The following KIRREL3 variants were observed in gnomAD, a reference collection of about 807,000 sequenced individuals.
KIRREL3 encodes the protein kin of IRRE-like protein 3.
Under a neutral mutation model 89.7 loss-of-function variants are expected in KIRREL3, and 36 were observed. That is an observed-to-expected ratio of 0.40 (90% CI 0.31 to 0.53). The LOEUF is 0.53. Among genes scored for constraint, KIRREL3 ranks in the 20% least tolerant of loss-of-function variants. KIRREL3 has a pLI of 0.49. For synonymous variants in KIRREL3, 445 were observed against 441.4 expected (o/e 1.01, Z -0.10); for missense variants, 864 against 1,056.6 (o/e 0.82, Z 2.53).
chr11:126,635,432 G>T lies in KIRREL3; in HGVS notation c.56-72520C>A, dbSNP rs625993. Among the ~76,000 whole-genome samples the T allele has an allele frequency of 0.19, 29,367 of 152,222 alleles. 3,628 individuals are homozygous for T. Among genetic ancestry groups the T allele is most frequent in the Non-Finnish European group, 0.27 (18,600 of 67,984 alleles). ...AGAAGCTTCCTCATTAAAAGGGCTG[G>T]GCTGGTTGGCTGGCTCCAAGGCCCT... On this transcript the variant is annotated intron_variant, in intron 1 of 16. Coordinates refer to ENST00000525144, the MANE Select transcript of KIRREL3 (RefSeq NM_032531.4). This position sits in a 1 kb window ranked among gnomAD's most constrained non-coding sequence, Gnocchi z 4.0.
At chr11:126,964,523 A>G (rs765705554) in intron 1 of KIRREL3, among the ~76,000 whole-genome samples, 6 of 152,168 alleles carry the variant, frequency 3.9e-5, no homozygotes, top group South Asian at 2.1e-4. Flanking sequence ...AGAATCTAAG[A>G]TCAGGAATTC....
intron 1 of KIRREL3, among the ~76,000 whole-genome samples, chr11:126,923,377 CT>C (rs1307260922): frequency 8.6e-3 from 12 of 1,390 alleles, no homozygotes; most frequent in Admixed American, 0.034. Flanking sequence ...CTCCTTCTTC[CT>C]TCTTCTTCTT....
Position 126,521,283 on chromosome 11 carries a change from G to A in KIRREL3, c.433+32C>T, listed in dbSNP as rs1344025983. 2.0e-6 allele frequency: 3 copies of A among 1,493,240 alleles called. No homozygotes were observed. The highest frequency in any genetic ancestry group is 2.7e-6 in the Non-Finnish European group (3 of 1,113,212). 92.5% of individuals were successfully genotyped at this position (1,493,240 alleles called of 1,614,324 possible). ...AGCTGAGCCCTTGGTGCTTCACGCAGTGTCCCAGCCCCGTGTGCAGATGGT... is the reference window on the plus strand; with the variant it reads ...AGCTGAGCCCTTGGTGCTTCACGCAATGTCCCAGCCCCGTGTGCAGATGGT... On this transcript the variant is annotated intron_variant, in intron 4 of 16. Transcript: ENST00000525144. This position sits in a 1 kb window ranked among gnomAD's most constrained non-coding sequence, Gnocchi z 4.1.
rs1190753627 is a variant in KIRREL3 at position 126,428,861 on chromosome 11, G to C, written c.1806+318C>G. 6.6e-6 allele frequency among the ~76,000 whole-genome samples: 1 copy of C among 152,186 alleles called. No homozygotes were observed. Among genetic ancestry groups the C allele is most frequent in the Non-Finnish European group, 1.5e-5 (1 of 68,028 alleles). Reference sequence around the variant, plus strand: ...GTAGTTTCACCATGTTGGCCAGGCTGGTCTCGAACTCCTAATCTCAAGTGA... The same window carrying C: ...GTAGTTTCACCATGTTGGCCAGGCTCGTCTCGAACTCCTAATCTCAAGTGA... On this transcript the variant is annotated intron_variant, in intron 15 of 16. Transcript: ENST00000525144. This position sits in a 1 kb window ranked among gnomAD's most constrained non-coding sequence, Gnocchi z 6.4.
In KIRREL3 at chr11:126,773,633, G is replaced by A. The variant is rs1313681480; in HGVS notation, c.56-210721C>T. Among the ~76,000 whole-genome samples, 1 of 152,182 alleles carries A rather than the reference G, an allele frequency of 6.6e-6. No homozygotes were observed. The highest frequency in any genetic ancestry group is 6.5e-5 in the Admixed American group (1 of 15,280). ...GGGAATAATGATCTCCTTACAGGGAGCACACTAGCTTCTGCCATAGGAAGA... is the reference window on the plus strand; with the variant it reads ...GGGAATAATGATCTCCTTACAGGGAACACACTAGCTTCTGCCATAGGAAGA... On this transcript the variant is annotated intron_variant, in intron 1 of 16. Coordinates refer to ENST00000525144, the MANE Select transcript of KIRREL3 (RefSeq NM_032531.4). This position sits in a 1 kb window ranked among gnomAD's most constrained non-coding sequence, Gnocchi z 4.2.
intron 4 of KIRREL3, among the ~76,000 whole-genome samples, chr11:126,506,994 C>T (rs904818800): frequency 2.0e-5 from 3 of 152,128 alleles, no homozygotes; most frequent in Admixed American, 2.0e-4. Flanking sequence ...AATGGATAAA[C>T]AGAATGTGGT....
chr11:126,456,598 G>A, intron 6 of KIRREL3, 144 bp from the exon 7 acceptor site: 1 of 610,578 alleles, frequency 1.6e-6, no homozygotes, highest in Non-Finnish European at 2.9e-6. Flanking sequence ...AGGAAGCTGG[G>A]GGCTCCATGG....
intron 1 of KIRREL3, among the ~76,000 whole-genome samples, chr11:126,604,503 C>G (rs935097184): frequency 2.6e-5 from 4 of 152,236 alleles, no homozygotes; most frequent in Non-Finnish European, 5.9e-5. Context: ...AATTCACTGT[C>G]CAGACAGGGA....
chr11:126,599,420 C>T (rs544329799), intron 1 of KIRREL3, among the ~76,000 whole-genome samples: 1 of 152,300 alleles, frequency 6.6e-6, no homozygotes, highest in South Asian at 2.1e-4. Context: ...TTCTCTTTAA[C>T]TCTTAAAATG....
intron 1 of KIRREL3, chr11:126,935,913 G>A (rs982804618): frequency 2.6e-5 from 4 of 152,188 alleles, no homozygotes; most frequent in African/African-American, 9.7e-5. Context: ...AGGTCCATCA[G>A]TTGTAACAAA....
At chr11:126,733,358 G>A (rs1235324725) in intron 1 of KIRREL3, among the ~76,000 whole-genome samples, 1 of 152,146 alleles carries the variant, frequency 6.6e-6, no homozygotes, top group Non-Finnish European at 1.5e-5. Flanking sequence ...GAGGTGCATC[G>A]TAAGCTCAAG....
At chr11:126,800,808 A>C (rs1951008354) in intron 1 of KIRREL3, among the ~76,000 whole-genome samples, 1 of 152,178 alleles carries the variant, frequency 6.6e-6, no homozygotes, top group Non-Finnish European at 1.5e-5. Flanking sequence ...ATGAGTGAGC[A>C]AACTAGAAGC....
At chr11:126,480,202 C>A (rs1182714037) in intron 4 of KIRREL3, among the ~76,000 whole-genome samples, 10 of 152,230 alleles carry the variant, frequency 6.6e-5, no homozygotes, top group Non-Finnish European at 1.5e-5. Context: ...TATAATCCGA[C>A]AACCTTAATC....
intron 1 of KIRREL3, among the ~76,000 whole-genome samples, chr11:126,600,007 T>C (rs996385865): frequency 6.6e-6 from 1 of 152,252 alleles, no homozygotes; most frequent in Non-Finnish European, 1.5e-5. Context: ...GCGAGAGTGA[T>C]GGGCTATCAC....
At chr11:126,437,450 T>TAC (rs913798423) in intron 11 of KIRREL3, among the ~76,000 whole-genome samples, 13 of 152,062 alleles carry the variant, frequency 8.5e-5, no homozygotes, top group Admixed American at 3.9e-4. Flanking sequence ...CACAGGTTTG[T>TAC]ACACACACAC....
intron 1 of KIRREL3, among the ~76,000 whole-genome samples, chr11:126,861,407 C>T (rs893161208): frequency 9.2e-5 from 14 of 152,028 alleles, no homozygotes; most frequent in Non-Finnish European, 8.8e-5. Flanking sequence ...AGAAGTGATA[C>T]GGGGCAGAGA....
chr11:126,449,542 C>T (rs9667106), intron 7 of KIRREL3, among the ~76,000 whole-genome samples: 12,019 of 152,258 alleles, frequency 0.079, 1,622 homozygotes, highest in African/African-American at 0.27. Context: ...ATCATGGGCC[C>T]CTTTGGAAAA....
chr11:126,614,204 C>A lies in KIRREL3; in HGVS notation c.56-51292G>T, dbSNP rs1304839104. ...GGGTTGGAAAAGTTCGATCTATTGT[C>A]GATTTCTCTATGGTATCAATGGCAT... On this transcript the variant is annotated intron_variant, in intron 1 of 16. Transcript: ENST00000525144. This position sits in a 1 kb window ranked among gnomAD's most constrained non-coding sequence, Gnocchi z 4.6. Among the ~76,000 whole-genome samples, 1 of 151,948 alleles carries A rather than the reference C, an allele frequency of 6.6e-6. No individual in the cohort carries two copies. The highest frequency in any genetic ancestry group is 1.5e-5 in the Non-Finnish European group (1 of 68,002).
At chr11:127,000,929 A>C, upstream of KIRREL3, 1 of 358,054 alleles carries the variant, frequency 2.8e-6, no homozygotes. This position sits in a 1 kb window ranked among gnomAD's most constrained non-coding sequence, Gnocchi z 7.1. Context: ...ACACTCGGAA[A>C]AAGGAGATCT....
Sources: allele counts gnomAD v4.1 joint callset (sites outside exome capture counted in the v4.1 genomes callset), GRCh38; gene constraint gnomAD v4.1.1; non-coding constraint Gnocchi (gnomAD v3.1); transcripts MANE v1.5; gene names NCBI Gene and HGNC (gene_info 2026-07-23, HGNC 2026-07-21).